Variants in CLVS1 observed in about 807,000 individuals in gnomAD.
CLVS1 encodes the protein clavesin-1.
CLVS1 carries 10 observed loss-of-function variants against 33.1 expected under a neutral mutation model. The observed-to-expected ratio is 0.30, with a 90% CI of 0.19 to 0.51. The LOEUF is 0.51. Among genes scored for constraint, CLVS1 ranks in the 20% least tolerant of loss-of-function variants. The pLI, the probability that CLVS1 is intolerant of heterozygous loss-of-function variation, is 0.97. For synonymous variants in CLVS1, 163 were observed against 166.1 expected (o/e 0.98, Z 0.14); for missense variants, 343 against 433.4 (o/e 0.79, Z 1.85).
At chr8:61,139,396 C>T (rs1053205758) in intron 2 of CLVS1, among the ~76,000 whole-genome samples, 2 of 152,228 alleles carry the variant, frequency 1.3e-5, no homozygotes, top group Non-Finnish European at 2.9e-5. Flanking sequence ...TTCTGTTCGG[C>T]AGAATGAAAA....
Position 61,262,960 on chromosome 8 carries a change from T to A in CLVS1, c.-151-36717T>A, listed in dbSNP as rs567242692. On this transcript the variant is annotated intron_variant, in intron 2 of 2. Coordinates refer to the CLVS1 transcript ENST00000522621. The stretch of plus-strand genomic sequence containing the variant: ...GGAAGCTGCCCGTGATTTAAGATGA[T>A]CTTATGGGCAATTTAGTTAAACCTG... Among the ~76,000 whole-genome samples the A allele has an allele frequency of 1.6e-4, 25 of 152,280 alleles. No homozygotes were observed. The South Asian group carries it at 4.6e-3, about 28-fold the overall frequency.
rs956016581 is a variant in CLVS1, at chr8:61,501,043, G to A, written c.*1501G>A. 4 of 151,966 alleles carry A rather than the reference G, an allele frequency of 2.6e-5. No individual in the cohort carries two copies. The highest frequency in any genetic ancestry group is 4.4e-5 in the Non-Finnish European group (3 of 67,986). 9.4% of individuals were successfully genotyped at this position (151,966 alleles called of 1,614,324 possible). On this transcript the variant is annotated 3_prime_UTR_variant, in exon 6 of 6. Transcript: ENST00000325897. ...TATATTATACACTTGGAGAAATAAAGTTGAAACAGAATTAAAAATATTTCT... is the reference window on the plus strand; with the variant it reads ...TATATTATACACTTGGAGAAATAAAATTGAAACAGAATTAAAAATATTTCT...
At chr8:61,269,682 T>G (rs1469766348) in intron 2 of CLVS1, among the ~76,000 whole-genome samples, 1 of 148,050 alleles carries the variant, frequency 6.8e-6, no homozygotes, top group East Asian at 2.0e-4. Flanking sequence ...TTGTATCCTC[T>G]TTTATTTCCT....
At chr8:61,390,604 G>A (rs1367179312) in intron 3 of CLVS1, among the ~76,000 whole-genome samples, 1 of 152,160 alleles carries the variant, frequency 6.6e-6, no homozygotes, top group Non-Finnish European at 1.5e-5. Context: ...TGCCTACACT[G>A]CATAGCATCT....
intron 3 of CLVS1, among the ~76,000 whole-genome samples, chr8:61,431,944 A>G (rs1816130380): frequency 6.6e-6 from 1 of 152,206 alleles, no homozygotes; most frequent in Admixed American, 6.5e-5. Flanking sequence ...TTTTAGTGAA[A>G]TGTAGAAAAT....
chr8:61,314,966 A>G (rs1186080100), intron 2 of CLVS1, among the ~76,000 whole-genome samples: 1 of 152,208 alleles, frequency 6.6e-6, no homozygotes, highest in Non-Finnish European at 1.5e-5. Flanking sequence ...CATGAATTTT[A>G]TAACATCTCA....
At chr8:61,161,993 CAA>C (rs34857935) in intron 2 of CLVS1, among the ~76,000 whole-genome samples, 66 of 70,094 alleles carry the variant, frequency 9.4e-4, no homozygotes, top group Middle Eastern at 0.014. Flanking sequence ...TACTTTTTGA[CAA>C]AAAAAAAAAA....
chr8:61,072,051 A>G (rs1804806079), intron 1 of CLVS1, among the ~76,000 whole-genome samples: 1 of 152,234 alleles, frequency 6.6e-6, no homozygotes, highest in Admixed American at 6.5e-5. Flanking sequence ...GCTTGCTTAG[A>G]TGCGGGTGAA....
At chr8:61,091,543 T>G (rs1274038116) in intron 1 of CLVS1, among the ~76,000 whole-genome samples, 1 of 152,188 alleles carries the variant, frequency 6.6e-6, no homozygotes, top group Non-Finnish European at 1.5e-5. Context: ...TTTTCCTAGG[T>G]GGACTATTTC....
At chr8:61,215,075 T>C (rs917055992) in intron 2 of CLVS1, among the ~76,000 whole-genome samples, 1 of 152,188 alleles carries the variant, frequency 6.6e-6, no homozygotes, top group Non-Finnish European at 1.5e-5. Flanking sequence ...TTTAAAGAAA[T>C]TTGTACAGCA....
At chr8:61,415,322 G>A (rs1170642741) in intron 3 of CLVS1, among the ~76,000 whole-genome samples, 1 of 152,166 alleles carries the variant, frequency 6.6e-6, no homozygotes, top group African/African-American at 2.4e-5. Context: ...TAGAAGCTGG[G>A]GCACCTGCCC....
At chr8:61,120,135 G>A (rs1489335905) in intron 1 of CLVS1, among the ~76,000 whole-genome samples, 41 of 145,542 alleles carry the variant, frequency 2.8e-4, no homozygotes, top group South Asian at 1.4e-3. Flanking sequence ...ATCTTCCATC[G>A]CTGATACCCT....
chr8:61,272,847 G>C (rs1177610717), intron 2 of CLVS1, among the ~76,000 whole-genome samples: 2 of 152,100 alleles, frequency 1.3e-5, no homozygotes, highest in African/African-American at 4.8e-5. Context: ...AGCTCCGTCA[G>C]CTCCTTTAAG....
At chr8:61,327,093 G>A (rs1213668874) in intron 2 of CLVS1, among the ~76,000 whole-genome samples, 1 of 152,100 alleles carries the variant, frequency 6.6e-6, no homozygotes, top group African/African-American at 2.4e-5. Flanking sequence ...GGCCATATAT[G>A]TCTACATACA....
At chr8:61,336,820 C>G (rs141556448) in intron 2 of CLVS1, among the ~76,000 whole-genome samples, 135 of 152,018 alleles carry the variant, frequency 8.9e-4, no homozygotes, top group Non-Finnish European at 1.7e-3. Flanking sequence ...ATATAGGTAT[C>G]TAAGAAAGGG....
At chr8:61,167,423 C>A (rs1806896805) in intron 2 of CLVS1, among the ~76,000 whole-genome samples, 1 of 152,046 alleles carries the variant, frequency 6.6e-6, no homozygotes, top group African/African-American at 2.4e-5. Flanking sequence ...TTCAGGTGAT[C>A]CACCCGCCTC....
At chr8:61,127,212 C>G (rs533934777) in intron 1 of CLVS1, among the ~76,000 whole-genome samples, 1 of 151,158 alleles carries the variant, frequency 6.6e-6, no homozygotes, top group East Asian at 1.9e-4. Context: ...TGGCTGAGAT[C>G]AAGCTTTTTT....
At chr8:61,141,349 T>C (rs1372684218) in intron 2 of CLVS1, among the ~76,000 whole-genome samples, 2 of 152,198 alleles carry the variant, frequency 1.3e-5, no homozygotes, top group African/African-American at 2.4e-5. Context: ...TAAAAAAAGT[T>C]ACAGCATTTG....
chr8:61,287,603 C>T (rs1274804399), upstream of CLVS1, among the ~76,000 whole-genome samples: 2 of 152,032 alleles, frequency 1.3e-5, no homozygotes, highest in African/African-American at 4.8e-5. Flanking sequence ...ATAAAAACAT[C>T]TATGTGTAAT....
Sources: allele counts gnomAD v4.1 joint callset (sites outside exome capture counted in the v4.1 genomes callset), GRCh38; gene constraint gnomAD v4.1.1; transcripts MANE v1.5; gene names NCBI Gene and HGNC (gene_info 2026-07-23, HGNC 2026-07-21).